CSNK1D: variants seen among roughly 807,000 people sequenced by gnomAD.
CSNK1D encodes casein kinase 1 delta, also known as casein kinase I isoform delta.
A neutral mutation model predicts 46.6 loss-of-function variants in CSNK1D; 16 were observed. The observed-to-expected ratio is 0.34, with a 90% CI of 0.23 to 0.52. The LOEUF is 0.52. CSNK1D is among the 20% of genes least tolerant of loss of function. The pLI is 0.95. For synonymous variants in CSNK1D, 276 were observed against 228.2 expected (o/e 1.21, Z -1.89); for missense variants, 398 against 578.4 (o/e 0.69, Z 3.20).
intron 2 of CSNK1D, chr17:82,260,868 T>C (rs148551930): frequency 6.5e-6 from 1 of 154,232 alleles, no homozygotes; most frequent in African/African-American, 2.4e-5. Flanking sequence ...TGACTGATGA[T>C]GTATTTACTG....
intron 1 of CSNK1D, among the ~76,000 whole-genome samples, chr17:82,266,490 C>A (rs1470380724): frequency 6.6e-6 from 1 of 152,214 alleles, no homozygotes; most frequent in African/African-American, 2.4e-5. Flanking sequence ...ACATCTAATA[C>A]CATGACGATC....
intron 2 of CSNK1D, among the ~76,000 whole-genome samples, chr17:82,263,702 A>C (rs888583184): frequency 6.6e-6 from 1 of 152,146 alleles, no homozygotes; most frequent in South Asian, 2.1e-4. Flanking sequence ...TCTCCTGGAG[A>C]CATCTCTCGT....
At chr17:82,241,178 G>C (rs1374930205), downstream of CSNK1D, among the ~76,000 whole-genome samples, 2 of 152,246 alleles carry the variant, frequency 1.3e-5, no homozygotes, top group Non-Finnish European at 2.9e-5. Flanking sequence ...AGATCAGAGG[G>C]AGAAGGGAGG....
At position 82,249,465 on chromosome 17, in the gene CSNK1D, A is replaced by G. The variant is rs937778724; in HGVS notation, c.1023T>C (p.Ala341=). The G allele has an allele frequency of 4.5e-6, 7 of 1,540,162 alleles. No individual in the cohort carries two copies. In the Admixed American group the frequency reaches 1.4e-4, roughly 30 times the overall value. ...AGGTAGGGGTGAGGGGTGTGGGGGG[A>G]GCCACTTCCTGCGTCCCCCGCAGGC... is the stretch of plus-strand genomic sequence containing the variant. ...SGRLRGTQEV[A]PPTPLTPTSH... The change falls in exon 7 of 9, where the codon GCT becomes GCC. Residue 341 remains alanine (A), a synonymous_variant. Transcript: ENST00000314028. The surrounding 1 kb of genome is among the most constrained non-coding windows in gnomAD (Gnocchi z 6.7).
intron 1 of CSNK1D, among the ~76,000 whole-genome samples, chr17:82,266,175 C>T (rs2051463167): frequency 6.6e-6 from 1 of 152,188 alleles, no homozygotes; most frequent in Admixed American, 6.5e-5. Context: ...CGGTGCCATT[C>T]CCTTTTCTCC....
chr17:82,273,192 G>C lies in CSNK1D; in HGVS notation c.76+114C>G. 9.1e-7 allele frequency: 1 copy of C among 1,101,212 alleles called. No homozygotes were observed. Among genetic ancestry groups the C allele is most frequent in the East Asian group, 2.7e-5 (1 of 37,654 alleles). 68.2% of individuals were successfully genotyped at this position (1,101,212 alleles called of 1,614,324 possible). A position where few individuals can be genotyped will look rare whatever the true frequency, so the allele number is the denominator to read the frequency against. On this transcript the variant is annotated intron_variant, in intron 1 of 8. Coordinates refer to ENST00000314028, the MANE Select transcript of CSNK1D (RefSeq NM_001893.6). This position sits in a 1 kb window ranked among gnomAD's most constrained non-coding sequence, Gnocchi z 5.1. ...GTTCTGGCCACGATCCGGCGGTGCC[G>C]GGACTTGCGCGGAGACCCCGCGGGG...
Position 82,249,457 on chromosome 17 carries a change from G to A in CSNK1D, c.1031C>T (p.Thr344Ile), listed in dbSNP as rs1282784883. 6.5e-7 allele frequency: 1 copy of A among 1,539,856 alleles called. No homozygotes were observed. The highest frequency in any genetic ancestry group is 8.7e-7 in the Non-Finnish European group (1 of 1,146,538). The change falls in exon 7 of 9, where the codon ACA (threonine) becomes ATA (isoleucine). Residue 344 changes from threonine (T) to isoleucine (I), a missense_variant. Around this residue, in one of 2 missense-constraint regions of CSNK1D, gnomAD observed 181 missense variants for 208.0 expected, o/e 0.87. Transcript: ENST00000314028. The surrounding 1 kb of genome is among the most constrained non-coding windows in gnomAD (Gnocchi z 6.7). ...LRGTQEVAPP[T>I]PLTPTSHTAN... ...CGTGTGTGAGGTAGGGGTGAGGGGT[G>A]TGGGGGGAGCCACTTCCTGCGTCCC...
intron 2 of CSNK1D, among the ~76,000 whole-genome samples, chr17:82,258,066 G>A (rs900533327): frequency 2.0e-5 from 3 of 151,818 alleles, no homozygotes; most frequent in African/African-American, 7.3e-5. Context: ...AATTAGCTAG[G>A]CATGGTGCTG....
At chr17:82,246,292 G>C in intron 8 of CSNK1D, 2 of 1,391,922 alleles carry the variant, frequency 1.4e-6, no homozygotes, top group Non-Finnish European at 9.4e-7. Flanking sequence ...AGGCCCTCCT[G>C]AGTCTTCTCA....
chr17:82,257,825 T>C (rs1237557522), intron 2 of CSNK1D, among the ~76,000 whole-genome samples: 1 of 152,148 alleles, frequency 6.6e-6, no homozygotes, highest in Non-Finnish European at 1.5e-5. Flanking sequence ...AAAACAAACC[T>C]GGAGTAAGAG....
Position 82,244,021 on chromosome 17 carries a change from T to A in CSNK1D, c.*760A>T. 1.0e-6 allele frequency: 1 copy of A among 987,304 alleles called. No individual in the cohort carries two copies. The highest frequency in any genetic ancestry group is 1.2e-6 in the Non-Finnish European group (1 of 831,126). The allele number at this position is 987,304 out of a possible 1,614,324, so 61.2% of individuals were successfully genotyped here. A position where few individuals can be genotyped will look rare whatever the true frequency, so the allele number is the denominator to read the frequency against. ...ACTGCACCCCTGCCCCGCGGCAGCC[T>A]GCGGTCCCTAACTGCTCTCCGAGGG... On this transcript the variant is annotated 3_prime_UTR_variant, in exon 9 of 9. Transcript: ENST00000314028.
intron 8 of CSNK1D, chr17:82,246,813 A>ACGGCC: frequency 1.0e-6 from 1 of 986,674 alleles, no homozygotes; most frequent in Non-Finnish European, 1.2e-6. Flanking sequence ...GGGAAGAGCG[A>ACGGCC]CGGCCCGAGG....
chr17:82,253,037 T>C lies in CSNK1D; in HGVS notation c.544A>G (p.Ile182Val). The C allele has an allele frequency of 1.2e-6, 2 of 1,614,176 alleles. No homozygotes were observed. The highest frequency in any genetic ancestry group is 1.3e-5 in the African/African-American group (1 of 75,050). Residue 182 changes from isoleucine (I) to valine (V), a missense_variant, in exon 4 of 9, where the codon ATC (isoleucine) becomes GTC (valine). Around this residue, in one of 2 missense-constraint regions of CSNK1D, gnomAD observed 217 missense variants for 370.3 expected, o/e 0.59. Transcript: ENST00000314028. The stretch of plus-strand genomic sequence containing the variant: ...TCACCAATTCCAAGGTGCGTGTTGA[T>C]GGAGGCGTACCGCGCCGTCCCCGTG... ...NLTGTARYAS[I>V]NTHLGIEQSR...
chr17:82,242,568 A>C (rs1396493774), downstream of CSNK1D: 4 of 878,202 alleles, frequency 4.6e-6, no homozygotes, highest in Non-Finnish European at 5.5e-6. Context: ...GAGAAAGAAC[A>C]AACAGCCATC....
In CSNK1D at chr17:82,254,135, G is replaced by A. The variant is rs1599593284; in HGVS notation, c.337-891C>T. ...CAGTGAGCTGAGCCGTCGGAGCCTCGAGAAGCCAGTGAGCTGAGCCGCCGG... is the reference window on the plus strand; with the variant it reads ...CAGTGAGCTGAGCCGTCGGAGCCTCAAGAAGCCAGTGAGCTGAGCCGCCGG... On this transcript the variant is annotated intron_variant, in intron 3 of 8. Coordinates refer to ENST00000314028, the MANE Select transcript of CSNK1D (RefSeq NM_001893.6). 10 of 218,152 alleles carry A rather than the reference G, an allele frequency of 4.6e-5. No homozygotes were observed. The East Asian group carries it at 1.4e-3, about 30-fold the overall frequency. 13.5% of individuals were successfully genotyped at this position (218,152 alleles called of 1,614,324 possible). A position where few individuals can be genotyped will look rare whatever the true frequency, so the allele number is the denominator to read the frequency against.
chr17:82,246,740 C>G (rs2050860495), intron 8 of CSNK1D: 1 of 991,758 alleles, frequency 1.0e-6, no homozygotes. Context: ...CCTGGGAGAC[C>G]TTCCTGCTGC....
chr17:82,267,650 C>A (rs1211082746), intron 1 of CSNK1D, among the ~76,000 whole-genome samples: 1 of 152,216 alleles, frequency 6.6e-6, no homozygotes, highest in Non-Finnish European at 1.5e-5. Context: ...GAAATGACTT[C>A]ATCGAAAAAT....
In CSNK1D at chr17:82,243,392, G is replaced by A; in HGVS notation, c.*1389C>T. 2 of 985,548 alleles carry A rather than the reference G, an allele frequency of 2.0e-6. No homozygotes were observed. Among genetic ancestry groups the A allele is most frequent in the Non-Finnish European group, 2.4e-6 (2 of 830,006 alleles). The allele number at this position is 985,548 out of a possible 1,614,324, so 61.1% of individuals were successfully genotyped here. On this transcript the variant is annotated 3_prime_UTR_variant, in exon 9 of 9. Coordinates refer to ENST00000314028, the MANE Select transcript of CSNK1D (RefSeq NM_001893.6). ...TTGGGGTTGGGAGCACATGGCCACT[G>A]GCTACCGCCCAAGTGCTGCGGAGTG... is the stretch of plus-strand genomic sequence containing the variant.
intron 2 of CSNK1D, among the ~76,000 whole-genome samples, chr17:82,261,931 G>C (rs919409853): frequency 1.3e-5 from 2 of 152,182 alleles, no homozygotes; most frequent in Non-Finnish European, 1.5e-5. Context: ...TCTCAGCCTT[G>C]ACGAAAAGCA....
Sources: allele counts gnomAD v4.1 joint callset (sites outside exome capture counted in the v4.1 genomes callset), GRCh38; gene constraint gnomAD v4.1.1; regional missense constraint gnomAD v4.1.1; non-coding constraint Gnocchi (gnomAD v3.1); transcripts MANE v1.5; gene names NCBI Gene and HGNC (gene_info 2026-07-23, HGNC 2026-07-21).